TTLL5: variants seen among roughly 807,000 people sequenced by gnomAD.
The protein encoded by TTLL5 is tubulin tyrosine ligase like 5.
A neutral mutation model predicts 168.4 loss-of-function variants in TTLL5; 132 were observed. That is an observed-to-expected ratio of 0.78 (90% confidence interval 0.68 to 0.91). The LOEUF is 0.91. TTLL5 is among the 40% of genes least tolerant of loss of function. TTLL5 has a pLI of 0.00. For synonymous variants in TTLL5, 546 were observed against 558.6 expected (o/e 0.98, Z 0.32); for missense variants, 1,545 against 1,581.5 (o/e 0.98, Z 0.39).
chr14:75,946,640 G>A (rs1432116946), intron 31 of TTLL5, among the ~76,000 whole-genome samples: 3 of 152,154 alleles, frequency 2.0e-5, no homozygotes, highest in Non-Finnish European at 2.9e-5. Context: ...GGCACAAGCC[G>A]TGGAGCAGTG....
At chr14:75,900,487 A>G (rs1053983957) in intron 30 of TTLL5, among the ~76,000 whole-genome samples, 5 of 152,166 alleles carry the variant, frequency 3.3e-5, no homozygotes, top group Admixed American at 6.5e-5. Context: ...CTACTAGCCA[A>G]TGATGATATG....
At chr14:75,685,733 C>A (rs1255212225) in intron 5 of TTLL5, among the ~76,000 whole-genome samples, 1 of 152,160 alleles carries the variant, frequency 6.6e-6, no homozygotes, top group Non-Finnish European at 1.5e-5. Context: ...TATATTTGAG[C>A]ACTTTCCTAG....
intron 31 of TTLL5, among the ~76,000 whole-genome samples, chr14:75,949,694 C>CA (rs887855510): frequency 6.6e-6 from 1 of 151,324 alleles, no homozygotes; most frequent in African/African-American, 2.4e-5. Flanking sequence ...ACTAAAAATG[C>CA]AAAAAATTAG....
chr14:75,799,631 C>CT (rs1311210444), intron 27 of TTLL5, among the ~76,000 whole-genome samples: 1 of 152,170 alleles, frequency 6.6e-6, no homozygotes, highest in African/African-American at 2.4e-5. Context: ...AGATTTAGAA[C>CT]TTTCTTTAGC....
At chr14:75,755,690 T>C (rs890334225) in intron 18 of TTLL5, among the ~76,000 whole-genome samples, 1 of 152,144 alleles carries the variant, frequency 6.6e-6, no homozygotes, top group Non-Finnish European at 1.5e-5. Context: ...GAAACATGCA[T>C]TGAAAAAAAT....
chr14:75,683,770 G>C, intron 5 of TTLL5, 114 bp downstream of exon 5: 37 of 683,484 alleles, frequency 5.4e-5, no homozygotes, highest in Non-Finnish European at 7.5e-5. Flanking sequence ...TGAAGAAGAA[G>C]AAGGACTTTT....
intron 27 of TTLL5, among the ~76,000 whole-genome samples, chr14:75,810,863 A>G (rs1178547139): frequency 6.6e-6 from 1 of 152,162 alleles, no homozygotes; most frequent in Non-Finnish European, 1.5e-5. Flanking sequence ...CAAAGCTGTT[A>G]TTTCATCCAT....
At position 75,867,589 on chromosome 14, in the gene TTLL5, G is replaced by A. The variant is rs558677413; in HGVS notation, c.3522+3727G>A. Among the ~76,000 whole-genome samples, 121 of 151,542 alleles carry A rather than the reference G, an allele frequency of 8.0e-4. 1 individual carries two copies. Among genetic ancestry groups the A allele is most frequent in the Non-Finnish European group, 1.5e-3 (104 of 67,854 alleles). On this transcript the variant is annotated intron_variant, in intron 29 of 31. Coordinates refer to ENST00000298832, the MANE Select transcript of TTLL5 (RefSeq NM_015072.5). ...AGCCTGACCAATATGGTGAAACCCC[G>A]TCTCTACTAAAAATACAAAAATTAG...
chr14:75,745,590 ACTAC>A lies in TTLL5; in HGVS notation c.1487+12_1487+15del. On this transcript the variant is annotated intron_variant, in intron 17 of 31. Coordinates refer to ENST00000298832, the MANE Select transcript of TTLL5 (RefSeq NM_015072.5). ...ACATGGGAAATATATGGGTGAGGTG[ACTAC>A]CTTTTTTTTTTATTCTTTACCTGAG... is the stretch of plus-strand genomic sequence containing the variant. The A allele has an allele frequency of 6.2e-7, 1 of 1,607,906 alleles. No individual in the cohort carries two copies. Among genetic ancestry groups the A allele is most frequent in the Non-Finnish European group, 8.5e-7 (1 of 1,177,288 alleles).
chr14:75,883,170 C>T (rs142028834), intron 30 of TTLL5, among the ~76,000 whole-genome samples: 51 of 152,362 alleles, frequency 3.3e-4, no homozygotes, highest in African/African-American at 1.1e-3. Flanking sequence ...TAAAATTCAA[C>T]ATCCTGCTTC....
intron 5 of TTLL5, among the ~76,000 whole-genome samples, chr14:75,688,907 A>T (rs1319036185): frequency 1.3e-5 from 2 of 152,190 alleles, no homozygotes; most frequent in Non-Finnish European, 2.9e-5. Context: ...ATAAAGTTTA[A>T]CATATGTGGT....
intron 7 of TTLL5, among the ~76,000 whole-genome samples, chr14:75,702,727 G>A (rs1206874240): frequency 1.3e-5 from 2 of 152,046 alleles, no homozygotes; most frequent in Admixed American, 1.3e-4. Flanking sequence ...CTCTCCCTGG[G>A]CTGAATCCTT....
intron 18 of TTLL5, among the ~76,000 whole-genome samples, chr14:75,755,269 AAATAAT>A (rs71119390): frequency 1.3e-4 from 6 of 47,926 alleles, no homozygotes; most frequent in Admixed American, 2.5e-4. Context: ...CTGTCTCCAA[AAATAAT>A]AATAATAATA....
intron 30 of TTLL5, chr14:75,886,651 A>AC: frequency 6.3e-7 from 1 of 1,587,994 alleles, no homozygotes; most frequent in South Asian, 1.1e-5. Flanking sequence ...TGGTGCCAAT[A>AC]ATCTTTCTTG....
intron 28 of TTLL5, chr14:75,838,465 G>A (rs1489507203): frequency 1.3e-5 from 2 of 152,230 alleles, no homozygotes; most frequent in African/African-American, 4.8e-5. Flanking sequence ...GGGAGGCTGA[G>A]GCAGGAGAAT....
At chr14:75,882,660 C>A (rs1435060705) in intron 29 of TTLL5, 25 bp from the exon 30 acceptor site, 1 of 1,593,112 alleles carries the variant, frequency 6.3e-7, no homozygotes, top group Non-Finnish European at 8.6e-7. Flanking sequence ...GTCCATCGAT[C>A]ATTTTTTTCC....
At chr14:75,847,938 A>G (rs1271829293) in intron 28 of TTLL5, among the ~76,000 whole-genome samples, 3 of 148,912 alleles carry the variant, frequency 2.0e-5, no homozygotes, top group South Asian at 4.3e-4. Flanking sequence ...AGGCTTAATT[A>G]TAAGTATACA....
intron 28 of TTLL5, among the ~76,000 whole-genome samples, chr14:75,842,816 G>A (rs1301986756): frequency 6.6e-6 from 1 of 152,082 alleles, no homozygotes; most frequent in Non-Finnish European, 1.5e-5. Context: ...AAACCCAGCG[G>A]CTTTTCAAAG....
intron 31 of TTLL5, among the ~76,000 whole-genome samples, chr14:75,918,185 T>C (rs2033686850): frequency 6.6e-6 from 1 of 152,216 alleles, no homozygotes; most frequent in Admixed American, 6.5e-5. Context: ...CCAGCAGTTC[T>C]AACTACCATA....
Sources: allele counts gnomAD v4.1 joint callset (sites outside exome capture counted in the v4.1 genomes callset), GRCh38; gene constraint gnomAD v4.1.1; transcripts MANE v1.5; gene names NCBI Gene and HGNC (gene_info 2026-07-23, HGNC 2026-07-21).